FER: variants seen among roughly 807,000 people sequenced by gnomAD.
FER encodes the protein tyrosine-protein kinase Fer.
In FER, 63 loss-of-function variants were observed where a neutral mutation model predicts 111.0. That is an observed-to-expected ratio of 0.57 (90% CI 0.46 to 0.70). FER has a LOEUF of 0.70. Among genes scored for constraint, FER ranks in the 30% least tolerant of loss-of-function variants. The pLI is 0.00. For synonymous variants in FER, 327 were observed against 313.9 expected (o/e 1.04, Z -0.44); for missense variants, 914 against 954.0 (o/e 0.96, Z 0.55).
In FER at chr5:109,005,368, CGTGT is replaced by C. The variant is rs34553897; in HGVS notation, c.1657-32037_1657-32034del. 2.0e-3 allele frequency among the ~76,000 whole-genome samples: 296 copies of C among 149,708 alleles called. 6 individuals carry two copies. The highest frequency in any genetic ancestry group is 4.0e-4 in the Non-Finnish European group (27 of 67,224). On this transcript the variant is annotated intron_variant, in intron 13 of 19. Transcript: ENST00000281092. ...GTTGGCAAATGGAAAAAAACTATCC[CGTGT>C]GTGTGTGTGTGTGTGTATTTCTCTG...
intron 3 of FER, 42 bp from the exon 4 acceptor site, chr5:108,832,728 C>T (rs1328190324): frequency 1.4e-6 from 2 of 1,392,918 alleles, no homozygotes; most frequent in Admixed American, 2.6e-5. Context: ...TAAATGGAAA[C>T]CTTTAATGCA....
chr5:109,126,622 C>T (rs1420938576), intron 17 of FER, among the ~76,000 whole-genome samples: 1 of 152,148 alleles, frequency 6.6e-6, no homozygotes, highest in Non-Finnish European at 1.5e-5. Flanking sequence ...TAGAGACAAG[C>T]CTTCTCAGGT....
intron 16 of FER, among the ~76,000 whole-genome samples, chr5:109,067,267 T>TTGTTGTTGTTGC (rs1202825866): frequency 2.0e-5 from 3 of 150,546 alleles, no homozygotes; most frequent in East Asian, 2.0e-4. Context: ...GTTGTTGCTG[T>TTGTTGTTGTTGC]TGCTGCTGCT....
chr5:108,948,044 A>G (rs1196761922), intron 11 of FER, among the ~76,000 whole-genome samples: 2 of 152,128 alleles, frequency 1.3e-5, no homozygotes, highest in African/African-American at 4.8e-5. Context: ...TTTAAAATGC[A>G]ACAACTATGA....
At chr5:108,922,097 C>T (rs1753095973) in intron 10 of FER, among the ~76,000 whole-genome samples, 1 of 152,138 alleles carries the variant, frequency 6.6e-6, no homozygotes, top group African/African-American at 2.4e-5. Flanking sequence ...ATTATGCTAT[C>T]ACAAGCAAAG....
intron 10 of FER, among the ~76,000 whole-genome samples, chr5:108,915,164 C>T (rs1055074701): frequency 6.6e-6 from 1 of 152,222 alleles, no homozygotes; most frequent in East Asian, 1.9e-4. Flanking sequence ...GTCTCCAGAA[C>T]CTTAGTCATT....
At chr5:108,961,693 A>G (rs182314265) in intron 13 of FER, among the ~76,000 whole-genome samples, 19 of 152,314 alleles carry the variant, frequency 1.2e-4, no homozygotes, top group Admixed American at 1.0e-3. Flanking sequence ...TTAAAGGTTC[A>G]TGTTGCTCTT....
intron 14 of FER, among the ~76,000 whole-genome samples, chr5:109,038,528 A>G (rs966242122): frequency 1.3e-4 from 19 of 151,986 alleles, no homozygotes; most frequent in Non-Finnish European, 2.2e-4. Context: ...ATGATTTTAA[A>G]ATACTTTTCC....
chr5:109,112,761 C>T (rs957997236), intron 17 of FER, among the ~76,000 whole-genome samples: 6 of 152,100 alleles, frequency 3.9e-5, no homozygotes, highest in Admixed American at 3.3e-4. Flanking sequence ...TTATTTGAAC[C>T]CATATTTTGA....
chr5:108,920,274 C>G (rs1752851750), intron 10 of FER, among the ~76,000 whole-genome samples: 1 of 151,780 alleles, frequency 6.6e-6, no homozygotes, highest in Non-Finnish European at 1.5e-5. Context: ...AAGTTATCAC[C>G]CTGCAACTTG....
intron 16 of FER, among the ~76,000 whole-genome samples, chr5:109,073,558 C>A (rs1037598242): frequency 6.6e-6 from 1 of 152,120 alleles, no homozygotes; most frequent in Non-Finnish European, 1.5e-5. Context: ...ATATAAATAT[C>A]TAATGGGGAA....
At chr5:109,009,206 T>C (rs1765914844) in intron 13 of FER, among the ~76,000 whole-genome samples, 1 of 151,854 alleles carries the variant, frequency 6.6e-6, no homozygotes, top group South Asian at 2.1e-4. Context: ...TGGCTAATTT[T>C]TATATTTTTA....
At chr5:109,026,117 A>T (rs1297963037) in intron 13 of FER, among the ~76,000 whole-genome samples, 4 of 152,194 alleles carry the variant, frequency 2.6e-5, no homozygotes, top group African/African-American at 4.8e-5. Context: ...ATCCTATAAT[A>T]AACAAGTTTA....
chr5:108,918,339 G>T (rs921259587), intron 10 of FER, among the ~76,000 whole-genome samples: 4 of 152,100 alleles, frequency 2.6e-5, no homozygotes, highest in Admixed American at 6.6e-5. Context: ...ACCATCTCTT[G>T]CAGAATCTAG....
chr5:109,025,164 T>C (rs1581698911), intron 13 of FER, among the ~76,000 whole-genome samples: 1 of 151,982 alleles, frequency 6.6e-6, no homozygotes, highest in South Asian at 2.1e-4. Context: ...AAGAAAGTCA[T>C]TGGTAGCTTG....
intron 13 of FER, among the ~76,000 whole-genome samples, chr5:108,964,045 A>G (rs1329271536): frequency 6.6e-6 from 1 of 152,164 alleles, no homozygotes. Context: ...ATGTTCTTCA[A>G]TTCATTAAGA....
rs1438049315 is a variant in FER at position 109,191,210 on chromosome 5, A to G, written c.*3635A>G. ...GTAACAATACAAATATCTGAATCAT[A>G]AGTCACAGTTTTTCAGGGTTCTTTC... On this transcript the variant is annotated 3_prime_UTR_variant, in exon 20 of 20. Transcript: ENST00000281092. 1 of 152,198 alleles carries G rather than the reference A, an allele frequency of 6.6e-6. No homozygotes were observed. Among genetic ancestry groups the G allele is most frequent in the African/African-American group, 2.4e-5 (1 of 41,468 alleles). The allele number at this position is 152,198 out of a possible 1,614,324, so 9.4% of individuals were successfully genotyped here.
chr5:109,058,652 T>C (rs184859346), intron 16 of FER, among the ~76,000 whole-genome samples: 23 of 147,830 alleles, frequency 1.6e-4, no homozygotes, highest in African/African-American at 5.2e-4. Context: ...ATCATGAAAA[T>C]AGGGCCAAAA....
intron 5 of FER, among the ~76,000 whole-genome samples, chr5:108,839,415 A>C (rs1423267937): frequency 3.9e-5 from 6 of 152,124 alleles, no homozygotes; most frequent in African/African-American, 1.4e-4. Flanking sequence ...AGGCTAGTCA[A>C]GTGCCTGTAG....
Sources: gnomAD v4.1 joint callset for allele counts (sites outside exome capture counted in the v4.1 genomes callset) on GRCh38, gnomAD v4.1.1 for gene constraint, MANE v1.5 for transcripts, NCBI Gene and HGNC (gene_info 2026-07-23, HGNC 2026-07-21) for gene names.